VAV2: variants seen among roughly 807,000 people sequenced by gnomAD.
VAV2 encodes the protein vav guanine nucleotide exchange factor 2.
In VAV2, 67 loss-of-function variants were observed where a neutral mutation model predicts 132.5. The observed-to-expected ratio is 0.51, with a 90% CI of 0.42 to 0.62. The LOEUF (loss-of-function observed/expected upper bound fraction) is 0.62. VAV2 is among the 20% of genes least tolerant of loss of function. VAV2 has a pLI of 0.00. For missense variants in VAV2, 938 were observed against 1,153.6 expected (o/e 0.81, Z 2.71); for synonymous variants, 492 against 443.5 (o/e 1.11, Z -1.37).
intron 15 of VAV2, among the ~76,000 whole-genome samples, chr9:133,787,746 GC>G (rs936351152): frequency 1.6e-4 from 24 of 152,162 alleles, no homozygotes; most frequent in African/African-American, 3.9e-4. Flanking sequence ...AGCAGCTTCG[GC>G]CCCGTCCCTG....
chr9:133,777,364 G>C (rs769966527), intron 23 of VAV2, 25 bp downstream of exon 23: 1 of 1,613,096 alleles, frequency 6.2e-7, no homozygotes, highest in Non-Finnish European at 8.5e-7. Context: ...CCGTGCTCCA[G>C]AAGCTTCTGT....
At position 133,773,170 on chromosome 9, in the gene VAV2, C is replaced by T. The variant is rs1043176749; in HGVS notation, c.2136-1124G>A. On this transcript the variant is annotated intron_variant, in intron 25 of 29. Coordinates refer to ENST00000371850, the MANE Select transcript of VAV2 (RefSeq NM_001134398.2). ...CTGCACACCCCACACCTAGGCTGGACGGCAGAGCCTACTGCACACCCCACA... is the reference window on the plus strand; with the variant it reads ...CTGCACACCCCACACCTAGGCTGGATGGCAGAGCCTACTGCACACCCCACA... Among the ~76,000 whole-genome samples the T allele has an allele frequency of 5.4e-5, 8 of 148,574 alleles. 1 individual carries two copies. Among genetic ancestry groups the T allele is most frequent in the Non-Finnish European group, 8.9e-5 (6 of 67,244 alleles).
At chr9:133,810,290 A>G in intron 5 of VAV2, 85 bp from the exon 6 acceptor site, 2 of 1,591,296 alleles carry the variant, frequency 1.3e-6, no homozygotes, top group South Asian at 1.1e-5. Flanking sequence ...GACATCAGGA[A>G]CGCCACCCCA....
chr9:133,798,458 G>A (rs973962794), intron 9 of VAV2, among the ~76,000 whole-genome samples: 7 of 152,088 alleles, frequency 4.6e-5, no homozygotes, highest in Admixed American at 6.5e-5. Flanking sequence ...GCTCTCTCCC[G>A]GCCACTCTGA....
chr9:133,934,119 G>A (rs1840817542), intron 2 of VAV2, among the ~76,000 whole-genome samples: 1 of 152,174 alleles, frequency 6.6e-6, no homozygotes, highest in African/African-American at 2.4e-5. Context: ...ATGGATAGAT[G>A]GATGGATGGA....
At position 133,928,614 on chromosome 9, in the gene VAV2, C is replaced by T. The variant is rs545348625; in HGVS notation, c.321+10489G>A. The stretch of plus-strand genomic sequence containing the variant: ...CTTCTGCACTCAGCAAATTAATGAA[C>T]AAATACGAAGAGGAAATGAACAAAC... On this transcript the variant is annotated intron_variant, in intron 2 of 29. Coordinates refer to ENST00000371850, the MANE Select transcript of VAV2 (RefSeq NM_001134398.2). The surrounding 1 kb of genome is among the most constrained non-coding windows in gnomAD (Gnocchi z 5.4). 1.1e-4 allele frequency among the ~76,000 whole-genome samples: 16 copies of T among 152,252 alleles called. 1 individual carries two copies. In the South Asian group the frequency reaches 3.1e-3, roughly 30 times the overall value.
intron 3 of VAV2, among the ~76,000 whole-genome samples, chr9:133,846,983 C>G (rs748308725): frequency 2.0e-5 from 3 of 152,208 alleles, no homozygotes; most frequent in Non-Finnish European, 4.4e-5. Flanking sequence ...GAGAACTGGG[C>G]TTTGACCCTG....
At chr9:133,939,065 C>T (rs182938440) in intron 2 of VAV2, 38 bp downstream of exon 2, 688 of 1,597,062 alleles carry the variant, frequency 4.3e-4, no homozygotes, top group Non-Finnish European at 5.6e-4. Context: ...TCGGCCACCA[C>T]AGCTGAGCGA....
intron 12 of VAV2, among the ~76,000 whole-genome samples, chr9:133,792,224 G>T: frequency 6.7e-6 from 1 of 148,756 alleles, no homozygotes; most frequent in Non-Finnish European, 1.5e-5. Flanking sequence ...TGGTTGTGCT[G>T]GTTGGGGTGT....
intron 2 of VAV2, among the ~76,000 whole-genome samples, chr9:133,898,978 C>T (rs866134246): frequency 1.3e-5 from 2 of 151,964 alleles, no homozygotes; most frequent in Non-Finnish European, 2.9e-5. Flanking sequence ...CCCGCCACCA[C>T]GCCCGGCTAA....
chr9:133,930,562 G>A (rs1209759931), intron 2 of VAV2, among the ~76,000 whole-genome samples: 1 of 152,268 alleles, frequency 6.6e-6, no homozygotes, highest in Non-Finnish European at 1.5e-5. Flanking sequence ...CTAGTCAGAG[G>A]GAAGAGGGCA....
chr9:133,880,754 T>A (rs1449296736), intron 2 of VAV2, among the ~76,000 whole-genome samples: 1 of 152,220 alleles, frequency 6.6e-6, no homozygotes, highest in Non-Finnish European at 1.5e-5. Context: ...GGGTGTGGAA[T>A]ACAATCTTCT....
intron 4 of VAV2, among the ~76,000 whole-genome samples, chr9:133,829,284 T>C (rs1836172358): frequency 6.6e-6 from 1 of 152,286 alleles, no homozygotes; most frequent in Non-Finnish European, 1.5e-5. Flanking sequence ...TTCAACCAGC[T>C]GCTCTTATTA....
chr9:133,989,583 G>A (rs1010963511), intron 1 of VAV2, among the ~76,000 whole-genome samples: 7 of 151,176 alleles, frequency 4.6e-5, no homozygotes, highest in African/African-American at 1.7e-4. Flanking sequence ...TACTCAGGAG[G>A]CTGAGGCAGC....
chr9:133,957,838 A>G (rs1170732028), intron 1 of VAV2, among the ~76,000 whole-genome samples: 1 of 129,376 alleles, frequency 7.7e-6, no homozygotes, highest in Non-Finnish European at 1.8e-5. Flanking sequence ...AGAAGTAGAC[A>G]TGGAAGACTC....
At chr9:133,876,091 C>T (rs956064190) in intron 2 of VAV2, among the ~76,000 whole-genome samples, 1 of 152,336 alleles carries the variant, frequency 6.6e-6, no homozygotes, top group South Asian at 2.1e-4. Flanking sequence ...CTTGGGCCTT[C>T]GGATCAGGAC....
In VAV2 at chr9:133,811,717, C is replaced by T. The variant is rs1016865921; in HGVS notation, c.552+397G>A. On this transcript the variant is annotated intron_variant, in intron 5 of 29. Transcript: ENST00000371850. ...CTCCACACAAAGGGGGAAAATGACG[C>T]GTGCTGTTAGACCATGCGCCAAGTT... Among the ~76,000 whole-genome samples the T allele has an allele frequency of 3.9e-5, 6 of 152,332 alleles. 1 individual carries two copies. Among genetic ancestry groups the T allele is most frequent in the Middle Eastern group, 6.8e-3 (2 of 294 alleles).
In VAV2 at chr9:133,888,975, G is replaced by A. The variant is rs115505645; in HGVS notation, c.322-27543C>T. On this transcript the variant is annotated intron_variant, in intron 2 of 29. Coordinates refer to ENST00000371850, the MANE Select transcript of VAV2 (RefSeq NM_001134398.2). ...GACACGAACAGCATGGAAATGAAGC[G>A]CCCCTGCCAGGGGGGCAGGGACACC... Among the ~76,000 whole-genome samples, 1,280 of 152,294 alleles carry A rather than the reference G, an allele frequency of 8.4e-3. 18 individuals carry two copies. Among genetic ancestry groups the A allele is most frequent in the African/African-American group, 0.028 (1,149 of 41,562 alleles).
intron 23 of VAV2, among the ~76,000 whole-genome samples, chr9:133,776,898 G>C (rs1375489447): frequency 6.6e-6 from 1 of 152,204 alleles, no homozygotes; most frequent in African/African-American, 2.4e-5. Context: ...ACTCAAGGCT[G>C]CCTGCTGCCT....
Sources: allele counts gnomAD v4.1 joint callset (sites outside exome capture counted in the v4.1 genomes callset), GRCh38; gene constraint gnomAD v4.1.1; non-coding constraint Gnocchi (gnomAD v3.1); transcripts MANE v1.5; gene names NCBI Gene and HGNC (gene_info 2026-07-23, HGNC 2026-07-21).